Variants in FAM3B observed in about 807,000 individuals in gnomAD.
The protein encoded by FAM3B is FAM3 metabolism regulating signaling molecule B.
Under a neutral mutation model 28.4 loss-of-function variants are expected in FAM3B, and 29 were observed. The ratio of observed to expected loss-of-function variants is 1.02; its 90% CI spans 0.76 to 1.39. The LOEUF (loss-of-function observed/expected upper bound fraction) is 1.39, where lower values mean the gene tolerates loss of function less well. Among genes scored for constraint, FAM3B ranks in the 40% most tolerant of loss-of-function variants. FAM3B has a pLI of 0.00. For synonymous variants in FAM3B, 91 were observed against 103.0 expected (o/e 0.88, Z 0.71); for missense variants, 266 against 293.9 (o/e 0.91, Z 0.69).
chr21:41,311,270 ATATATATATATATATATATATATATATG>A, intron 1 of FAM3B, among the ~76,000 whole-genome samples: 1 of 72,302 alleles, frequency 1.4e-5, no homozygotes, highest in Non-Finnish European at 2.5e-5. Flanking sequence ...ATATATATAT[ATATATATATATATATATATATATATATG>A]TATATATACA....
chr21:41,312,309 G>T (rs540445432), upstream of FAM3B, among the ~76,000 whole-genome samples: 29 of 152,262 alleles, frequency 1.9e-4, no homozygotes, highest in African/African-American at 5.5e-4. Context: ...TTTGTATAAT[G>T]ATTATTATAC....
At chr21:41,340,997 T>C (rs911170478) in intron 3 of FAM3B, among the ~76,000 whole-genome samples, 4 of 152,210 alleles carry the variant, frequency 2.6e-5, no homozygotes, top group African/African-American at 9.6e-5. Context: ...AATATATGTA[T>C]ATGTGTGTAT....
intron 1 of FAM3B, among the ~76,000 whole-genome samples, chr21:41,321,766 A>G (rs984888757): frequency 6.6e-6 from 1 of 152,170 alleles, no homozygotes; most frequent in African/African-American, 2.4e-5. Flanking sequence ...TAGCCGGTGC[A>G]TGGGTCGGGG....
chr21:41,306,936 T>C (rs531903316), intron 1 of FAM3B, among the ~76,000 whole-genome samples: 2 of 152,326 alleles, frequency 1.3e-5, no homozygotes, highest in South Asian at 4.1e-4. Flanking sequence ...CTTAAGGGCC[T>C]TAGGCATTTT....
At chr21:41,330,534 C>G (rs2088896446) in intron 2 of FAM3B, among the ~76,000 whole-genome samples, 1 of 152,182 alleles carries the variant, frequency 6.6e-6, no homozygotes, top group Non-Finnish European at 1.5e-5. Flanking sequence ...GAACTTATTC[C>G]TCCTGTGTAG....
rs555269590 is a variant in FAM3B at position 41,309,053 on chromosome 21, C to T, written n.99+4743C>T. Among the ~76,000 whole-genome samples the T allele has an allele frequency of 2.6e-5, 4 of 152,168 alleles. No homozygotes were observed. In the East Asian group the frequency reaches 5.8e-4, roughly 22 times the overall value. On this transcript the variant is annotated intron_variant and non_coding_transcript_variant, in intron 1 of 9. Coordinates refer to the FAM3B transcript ENST00000479810. ...GATGCAGGGTCTCAACTTAAGAGAC[C>T]GAGGCTCTAGCTGAGTGGCCTTGGG... is the stretch of plus-strand genomic sequence containing the variant.
At chr21:41,324,365 C>T (rs765033811) in intron 2 of FAM3B, among the ~76,000 whole-genome samples, 1 of 152,226 alleles carries the variant, frequency 6.6e-6, no homozygotes, top group Non-Finnish European at 1.5e-5. Flanking sequence ...TGATCAGCCA[C>T]AGCTGGGCAG....
rs146513156 is a variant in FAM3B, at chr21:41,342,210, C to T, written c.288-2266C>T. Among the ~76,000 whole-genome samples, 50 of 152,360 alleles carry T rather than the reference C, an allele frequency of 3.3e-4. 1 individual carries two copies. In the East Asian group the frequency reaches 9.4e-3, roughly 29 times the overall value. ...CTATATTTTCCTTTTGAGAAGTCAG[C>T]TGACAGTCTTATTGTCGCTGCTGTG... On this transcript the variant is annotated intron_variant, in intron 3 of 7. Transcript: ENST00000357985.
At chr21:41,352,098 C>T (rs895726601) in intron 7 of FAM3B, among the ~76,000 whole-genome samples, 2 of 152,216 alleles carry the variant, frequency 1.3e-5, no homozygotes, top group African/African-American at 4.8e-5. Context: ...GTGATCCTAA[C>T]TGGAGCACAG....
upstream of FAM3B, among the ~76,000 whole-genome samples, chr21:41,315,628 C>A (rs1568909829): frequency 6.6e-6 from 1 of 152,168 alleles, no homozygotes; most frequent in Non-Finnish European, 1.5e-5. Context: ...GGGCCGTGCT[C>A]AGGCCCAACG....
intron 3 of FAM3B, among the ~76,000 whole-genome samples, chr21:41,339,242 G>A (rs2088982796): frequency 6.6e-6 from 1 of 152,130 alleles, no homozygotes; most frequent in South Asian, 2.1e-4. Flanking sequence ...AATAAGTACA[G>A]CACTACTTAA....
At chr21:41,304,357 CAGGACG>C (rs1243132330) in intron 1 of FAM3B, 5 of 454,106 alleles carry the variant, frequency 1.1e-5, no homozygotes, top group Non-Finnish European at 2.2e-5. Context: ...ATGGACGGGG[CAGGACG>C]CTGCCGCCTG....
At chr21:41,310,806 G>A (rs561684700) in intron 1 of FAM3B, among the ~76,000 whole-genome samples, 1 of 152,208 alleles carries the variant, frequency 6.6e-6, no homozygotes, top group Non-Finnish European at 1.5e-5. Context: ...CCTGTAGGGT[G>A]AAGGGCAGCT....
rs1490768968 is a variant in FAM3B at position 41,326,740 on chromosome 21, G to T, written c.163+3674G>T. On this transcript the variant is annotated intron_variant, in intron 2 of 7. Transcript: ENST00000357985. This position sits in a 1 kb window ranked among gnomAD's most constrained non-coding sequence, Gnocchi z 4.0. Reference sequence around the variant, plus strand: ...CCAGCCCTTTGGGTGAGTGTCCTGGGTCCAAGGGTGGGAGTGCTGGGCAGG... The same window carrying T: ...CCAGCCCTTTGGGTGAGTGTCCTGGTTCCAAGGGTGGGAGTGCTGGGCAGG... Among the ~76,000 whole-genome samples, 1 of 152,240 alleles carries T rather than the reference G, an allele frequency of 6.6e-6. No individual in the cohort carries two copies. The highest frequency in any genetic ancestry group is 1.5e-5 in the Non-Finnish European group (1 of 68,030).
At chr21:41,330,877 T>G (rs2088900922) in intron 2 of FAM3B, among the ~76,000 whole-genome samples, 1 of 152,254 alleles carries the variant, frequency 6.6e-6, no homozygotes, top group South Asian at 2.1e-4. Flanking sequence ...TGTATTTGGC[T>G]ATTGTGAATA....
Position 41,316,913 on chromosome 21 carries a change from G to A in FAM3B, c.19+15G>A. On this transcript the variant is annotated intron_variant, in intron 1 of 7. Coordinates refer to ENST00000357985, the MANE Select transcript of FAM3B (RefSeq NM_058186.4). ...ATTGGCTGGTGGTGAGTGCGCCCCC[G>A]CCTCGGGGCGAGGGTAGGGGCGGGG... The A allele has an allele frequency of 7.4e-7, 1 of 1,355,902 alleles. No individual in the cohort carries two copies. The allele number at this position is 1,355,902 out of a possible 1,614,324, so 84.0% of individuals were successfully genotyped here.
intron 1 of FAM3B, chr21:41,304,436 G>A (rs2088670711): frequency 5.4e-6 from 2 of 367,768 alleles, no homozygotes; most frequent in East Asian, 1.6e-4. Context: ...GCCTGCACCG[G>A]CGGTTTCCCA....
Position 41,357,400 on chromosome 21 carries a change from G to A in FAM3B, c.*203G>A. 1 of 405,368 alleles carries A rather than the reference G, an allele frequency of 2.5e-6. No individual in the cohort carries two copies. Among genetic ancestry groups the A allele is most frequent in the Non-Finnish European group, 4.6e-6 (1 of 219,150 alleles). 25.1% of individuals were successfully genotyped at this position (405,368 alleles called of 1,614,324 possible). A position where few individuals can be genotyped will look rare whatever the true frequency, so the allele number is the denominator to read the frequency against. On this transcript the variant is annotated 3_prime_UTR_variant, in exon 8 of 8. Coordinates refer to ENST00000357985, the MANE Select transcript of FAM3B (RefSeq NM_058186.4). ...TTTTATGTAGTGAAGATGTCAATTA[G>A]CAGGAAACTAAAATGAATGGAAATT...
chr21:41,334,449 G>A (rs1333521988), intron 2 of FAM3B, among the ~76,000 whole-genome samples: 9 of 152,314 alleles, frequency 5.9e-5, no homozygotes, highest in African/African-American at 2.2e-4. Context: ...CATCTCAGCA[G>A]CTCTAGTTTC....
Sources: allele counts gnomAD v4.1 joint callset (sites outside exome capture counted in the v4.1 genomes callset), GRCh38; gene constraint gnomAD v4.1.1; non-coding constraint Gnocchi (gnomAD v3.1); transcripts MANE v1.5; gene names NCBI Gene and HGNC (gene_info 2026-07-23, HGNC 2026-07-21).